The following TM4SF18 variants were observed in gnomAD, a reference collection of about 807,000 sequenced individuals.
TM4SF18 encodes the protein transmembrane 4 L6 family member 18.
In TM4SF18, 22 loss-of-function variants were observed where a neutral mutation model predicts 23.8. The observed-to-expected ratio is 0.92, with a 90% CI of 0.66 to 1.32. TM4SF18 has a LOEUF of 1.32. Ranked by LOEUF, TM4SF18 falls within the 40% of genes most tolerant of loss-of-function variation. The pLI, the probability that TM4SF18 is intolerant of heterozygous loss-of-function variation, is 0.00. For synonymous variants in TM4SF18, 87 were observed against 87.9 expected (o/e 0.99, Z 0.06); for missense variants, 255 against 240.3 (o/e 1.06, Z -0.41).
intron 5 of TM4SF18, 65 bp from the exon 6 acceptor site, chr3:149,321,557 A>G (rs1054205125): frequency 1.9e-6 from 2 of 1,074,898 alleles, no homozygotes; most frequent in African/African-American, 3.2e-5. Flanking sequence ...GTAATCCGTA[A>G]TCCAGATAGC....
Position 149,321,411 on chromosome 3 carries a change from C to A in TM4SF18, c.*67G>T. 7.9e-7 allele frequency: 1 copy of A among 1,268,602 alleles called. No homozygotes were observed. Among genetic ancestry groups the A allele is most frequent in the Non-Finnish European group, 1.1e-6 (1 of 913,280 alleles). The allele number at this position is 1,268,602 out of a possible 1,614,324, so 78.6% of individuals were successfully genotyped here. On this transcript the variant is annotated 3_prime_UTR_variant, in exon 6 of 6. Coordinates refer to ENST00000296059, the MANE Select transcript of TM4SF18 (RefSeq NM_138786.4). The stretch of plus-strand genomic sequence containing the variant: ...CATCATTTCAATATTGCCCTCAAGT[C>A]TACACAGTTGATATAATATTTAGAT...
At chr3:149,326,141 T>G (rs1730940132) in intron 3 of TM4SF18, among the ~76,000 whole-genome samples, 1 of 152,190 alleles carries the variant, frequency 6.6e-6, no homozygotes, top group African/African-American at 2.4e-5. Context: ...ACTTTTAAAT[T>G]TTTTTTGTAC....
At chr3:149,328,976 G>A (rs1344248542) in intron 3 of TM4SF18, among the ~76,000 whole-genome samples, 2 of 152,010 alleles carry the variant, frequency 1.3e-5, no homozygotes, top group East Asian at 3.8e-4. Context: ...GTGAGTTAAG[G>A]CAAATTGAAC....
chr3:149,327,142 G>A (rs1364570197), intron 3 of TM4SF18, among the ~76,000 whole-genome samples: 1 of 152,150 alleles, frequency 6.6e-6, no homozygotes, highest in Non-Finnish European at 1.5e-5. Context: ...TAGATATGGG[G>A]TTTCACCATG....
chr3:149,333,408 G>C lies in TM4SF18; in HGVS notation c.-17-9C>G, dbSNP rs747595321. ...TTTGCCCTGCTTAGAACCTGCGGGA[G>C]ATTTCAAGAGTATACAGTCACAGAA... On this transcript the variant is annotated splice_polypyrimidine_tract_variant and intron_variant, in intron 1 of 5. Transcript: ENST00000296059. The C allele has an allele frequency of 8.5e-6, 13 of 1,533,508 alleles. No individual in the cohort carries two copies. Among genetic ancestry groups the C allele is most frequent in the Non-Finnish European group, 1.1e-5 (13 of 1,131,024 alleles). The allele number at this position is 1,533,508 out of a possible 1,614,324, so 95.0% of individuals were successfully genotyped here. A position where few individuals can be genotyped will look rare whatever the true frequency, so the allele number is the denominator to read the frequency against.
chr3:149,328,690 C>A (rs1200949192), intron 3 of TM4SF18, among the ~76,000 whole-genome samples: 1 of 152,180 alleles, frequency 6.6e-6, no homozygotes, highest in African/African-American at 2.4e-5. Flanking sequence ...GGCTGGACTT[C>A]AGTAGCAGCT....
intron 5 of TM4SF18, among the ~76,000 whole-genome samples, 198 bp from the exon 6 acceptor site, chr3:149,321,690 T>C (rs1310207731): frequency 6.6e-6 from 1 of 152,224 alleles, no homozygotes; most frequent in Non-Finnish European, 1.5e-5. Flanking sequence ...AAATTCATAA[T>C]TTTTCTTCAC....
chr3:149,327,952 A>G (rs1234178416), intron 3 of TM4SF18, among the ~76,000 whole-genome samples: 2 of 152,182 alleles, frequency 1.3e-5, no homozygotes, highest in Admixed American at 6.5e-5. Context: ...TTTTCTGTAA[A>G]CTGTAGATGA....
At chr3:149,325,108 T>G in intron 3 of TM4SF18, 86 bp from the exon 4 acceptor site, 1 of 1,380,386 alleles carries the variant, frequency 7.2e-7, no homozygotes, top group Non-Finnish European at 1.0e-6. Flanking sequence ...TACATTCCCC[T>G]ATTCACCCAA....
At chr3:149,324,813 G>C in intron 4 of TM4SF18, 67 bp downstream of exon 4, 1 of 1,597,062 alleles carries the variant, frequency 6.3e-7, no homozygotes, top group South Asian at 1.1e-5. Context: ...AAATGAGCGT[G>C]AGCTTGAGCA....
intron 3 of TM4SF18, 40 bp from the exon 4 acceptor site, chr3:149,325,062 C>A (rs766927558): frequency 5.0e-6 from 8 of 1,593,908 alleles, no homozygotes; most frequent in Non-Finnish European, 6.9e-6. Context: ...CCATAGAATG[C>A]GACAAGGGGA....
chr3:149,319,962 C>T lies in TM4SF18; in HGVS notation c.*1516G>A, dbSNP rs1559988770. The T allele has an allele frequency of 6.6e-6, 1 of 152,198 alleles. No individual in the cohort carries two copies. The highest frequency in any genetic ancestry group is 6.5e-5 in the Admixed American group (1 of 15,278). The allele number at this position is 152,198 out of a possible 1,614,324, so 9.4% of individuals were successfully genotyped here. A position where few individuals can be genotyped will look rare whatever the true frequency, so the allele number is the denominator to read the frequency against. ...CCTGCCCCAGTTCAGTCAGCTGGGC[C>T]CAGAGCATGAAGGTCATGCGGTGTA... On this transcript the variant is annotated 3_prime_UTR_variant, in exon 6 of 6. Coordinates refer to ENST00000296059, the MANE Select transcript of TM4SF18 (RefSeq NM_138786.4).
intron 3 of TM4SF18, 116 bp from the exon 4 acceptor site, chr3:149,325,138 T>C (rs994304170): frequency 1.2e-6 from 1 of 862,712 alleles, no homozygotes; most frequent in Non-Finnish European, 1.7e-6. Context: ...GTCTATACAA[T>C]ACTAAATGCC....
Position 149,333,408 on chromosome 3 carries a change from G to A in TM4SF18, c.-17-9C>T. On this transcript the variant is annotated splice_polypyrimidine_tract_variant and intron_variant, in intron 1 of 5. Coordinates refer to ENST00000296059, the MANE Select transcript of TM4SF18 (RefSeq NM_138786.4). ...TTTGCCCTGCTTAGAACCTGCGGGAGATTTCAAGAGTATACAGTCACAGAA... is the reference window on the plus strand; with the variant it reads ...TTTGCCCTGCTTAGAACCTGCGGGAAATTTCAAGAGTATACAGTCACAGAA... The A allele has an allele frequency of 6.5e-7, 1 of 1,533,582 alleles. No homozygotes were observed. Among genetic ancestry groups the A allele is most frequent in the Non-Finnish European group, 8.8e-7 (1 of 1,131,016 alleles). The allele number at this position is 1,533,582 out of a possible 1,614,324, so 95.0% of individuals were successfully genotyped here.
At position 149,333,323 on chromosome 3, in the gene TM4SF18, C is replaced by T. The variant is rs1425978120; in HGVS notation, c.60G>A (p.Trp20Ter). Reference protein sequence around the residue: ...LSCLLIPLALWSIIVNILLYF... With the variant: ...LSCLLIPLAL ...ACAATAATATGTTCACGATTATACT[C>T]CAAAGTGCAAGCGGAATCAGCAAAC... The change falls in exon 2 of 6, where the codon TGG becomes TGA. Residue 20 changes from tryptophan to a stop codon, truncating the protein, a stop_gained. Coordinates refer to ENST00000296059, the MANE Select transcript of TM4SF18 (RefSeq NM_138786.4). LOFTEE classifies it high-confidence loss of function. 2 of 1,613,594 alleles carry T rather than the reference C, an allele frequency of 1.2e-6. No individual in the cohort carries two copies. Among genetic ancestry groups the T allele is most frequent in the Non-Finnish European group, 1.7e-6 (2 of 1,179,870 alleles).
intron 4 of TM4SF18, 86 bp downstream of exon 4, chr3:149,324,794 G>A (rs1730895754): frequency 1.9e-6 from 3 of 1,565,304 alleles, no homozygotes; most frequent in Non-Finnish European, 2.6e-6. Flanking sequence ...ACCCCAAAGT[G>A]ATCATGGAAA....
At chr3:149,330,451 T>C in intron 2 of TM4SF18, 32 bp from the exon 3 acceptor site, 2 of 1,429,740 alleles carry the variant, frequency 1.4e-6, no homozygotes, top group Non-Finnish European at 2.0e-6. Flanking sequence ...ATGTTAGCAA[T>C]GAAATGCTAG....
At chr3:149,326,694 C>T (rs1730955549) in intron 3 of TM4SF18, among the ~76,000 whole-genome samples, 1 of 152,168 alleles carries the variant, frequency 6.6e-6, no homozygotes, top group Non-Finnish European at 1.5e-5. Context: ...CTCTCCTTTG[C>T]CTCTGTCTAT....
At chr3:149,331,655 C>CT (rs1328986883) in intron 2 of TM4SF18, among the ~76,000 whole-genome samples, 1 of 152,262 alleles carries the variant, frequency 6.6e-6, no homozygotes, top group African/African-American at 2.4e-5. Context: ...ACACTGCCTT[C>CT]TTTTTTTGTT....
Sources: allele counts gnomAD v4.1 joint callset (sites outside exome capture counted in the v4.1 genomes callset), GRCh38; gene constraint gnomAD v4.1.1; transcripts MANE v1.5; gene names NCBI Gene and HGNC (gene_info 2026-07-23, HGNC 2026-07-21).